Variants in KAZN observed in about 807,000 individuals in gnomAD.
The protein encoded by KAZN is kazrin.
Under a neutral mutation model 87.4 loss-of-function variants are expected in KAZN, and 40 were observed. That is an observed-to-expected ratio of 0.46 (90% confidence interval 0.36 to 0.60). The LOEUF is 0.60. Among genes scored for constraint, KAZN ranks in the 20% least tolerant of loss-of-function variants. The probability of loss-of-function intolerance (pLI) is 0.00; values close to 1 mark genes in which losing one functional copy is unlikely to be tolerated. For synonymous variants in KAZN, 466 were observed against 458.3 expected, an observed-to-expected ratio of 1.02 and a Z score of -0.22; for missense variants, 898 against 1,073.9, an observed-to-expected ratio of 0.84 and a Z score of 2.29.
intron 1 of KAZN, among the ~76,000 whole-genome samples, chr1:14,871,647 GCAGTGTGTGTGTGTGTGTGTGTGT>G: frequency 1.7e-5 from 1 of 57,708 alleles, no homozygotes; most frequent in Non-Finnish European, 3.8e-5. Context: ...TACATGAGCA[GCAGTGTGTGTGTGTGTGTGTGTGT>G]GTGTGTGTGT....
intron 1 of KAZN, among the ~76,000 whole-genome samples, chr1:13,926,101 A>C (rs1640266037): frequency 6.6e-6 from 1 of 152,014 alleles, no homozygotes; most frequent in Non-Finnish European, 1.5e-5. Flanking sequence ...TCTAGTTCTC[A>C]TTTGAGTCTT....
intron 8 of KAZN, among the ~76,000 whole-genome samples, chr1:15,086,264 C>A (rs920965236): frequency 2.0e-5 from 3 of 152,194 alleles, no homozygotes; most frequent in Non-Finnish European, 2.9e-5. Context: ...AGCCACCATG[C>A]CTGGCTGACA....
chr1:14,084,027 C>T (rs547530285), intron 1 of KAZN, among the ~76,000 whole-genome samples: 120 of 152,234 alleles, frequency 7.9e-4, no homozygotes, highest in African/African-American at 2.7e-3. Flanking sequence ...TTTTTAAAGA[C>T]CCATCTGGCT....
chr1:13,996,043 A>T (rs1436720008), intron 1 of KAZN, among the ~76,000 whole-genome samples: 2 of 149,226 alleles, frequency 1.3e-5, no homozygotes, highest in African/African-American at 4.9e-5. Context: ...ATCACAACGG[A>T]CTAGGAGGCT....
rs368233763 is a variant in KAZN, at chr1:15,026,782, C to T, written c.419-7967C>T. On this transcript the variant is annotated intron_variant, in intron 2 of 14. Coordinates refer to ENST00000376030, the MANE Select transcript of KAZN (RefSeq NM_201628.3). ...AATATGCACAAGACATATTTCTTAT[C>T]ATTTTTCTCTAAACAATGCAGTGTA... 1.2e-3 allele frequency among the ~76,000 whole-genome samples: 182 copies of T among 151,934 alleles called. 5 individuals carry two copies. In the South Asian group the frequency reaches 0.037, roughly 31 times the overall value.
At chr1:14,930,308 A>T (rs370432134) in intron 1 of KAZN, among the ~76,000 whole-genome samples, 3 of 152,294 alleles carry the variant, frequency 2.0e-5, no homozygotes, top group African/African-American at 7.2e-5. Context: ...ACAGGCATTC[A>T]CTGTGTTCAC....
chr1:14,575,322 G>A (rs1200273669), intron 2 of KAZN, among the ~76,000 whole-genome samples: 1 of 152,108 alleles, frequency 6.6e-6, no homozygotes, highest in East Asian at 1.9e-4. Flanking sequence ...GCACGTGGCT[G>A]GGGAGGCCTC....
intron 2 of KAZN, among the ~76,000 whole-genome samples, chr1:14,459,676 G>T (rs974236474): frequency 2.0e-5 from 3 of 152,184 alleles, no homozygotes; most frequent in Admixed American, 1.3e-4. Flanking sequence ...TGCAGCAGGA[G>T]ATGTTGGTCC....
chr1:14,598,192 G>A (rs138745713), upstream of KAZN, among the ~76,000 whole-genome samples: 262 of 152,262 alleles, frequency 1.7e-3, 1 homozygote, highest in African/African-American at 6.1e-3. The surrounding 1 kb of genome is among the most constrained non-coding windows in gnomAD (Gnocchi z 4.2). Context: ...GCCTGCGGGT[G>A]GGGGGTGGAG....
At chr1:14,701,796 CAAAA>C (rs944396024) in intron 1 of KAZN, among the ~76,000 whole-genome samples, 3 of 151,828 alleles carry the variant, frequency 2.0e-5, no homozygotes, top group African/African-American at 4.9e-5. Context: ...GACCCTGTCT[CAAAA>C]CAAACAAACA....
intron 1 of KAZN, among the ~76,000 whole-genome samples, chr1:14,020,814 C>T (rs1640789593): frequency 6.6e-6 from 1 of 152,092 alleles, no homozygotes; most frequent in South Asian, 2.1e-4. Context: ...ACATTTAGTC[C>T]ATCTTCTGGA....
intron 8 of KAZN, among the ~76,000 whole-genome samples, chr1:15,079,997 T>C (rs923437055): frequency 6.6e-6 from 1 of 152,184 alleles, no homozygotes; most frequent in Admixed American, 6.5e-5. Context: ...GTGCATAAAC[T>C]TAGAGAATAC....
chr1:14,256,453 G>C (rs6702169), intron 2 of KAZN, among the ~76,000 whole-genome samples: 3 of 151,980 alleles, frequency 2.0e-5, no homozygotes, highest in African/African-American at 7.2e-5. Context: ...TGAGGCAGAG[G>C]GGAAAGGAGT....
chr1:14,889,619 G>C (rs1654483630), intron 1 of KAZN, among the ~76,000 whole-genome samples: 1 of 152,152 alleles, frequency 6.6e-6, no homozygotes, highest in Admixed American at 6.5e-5. Flanking sequence ...GTCTGCCCCT[G>C]CCTACCCTTC....
Position 14,417,993 on chromosome 1 carries a change from C to CAAAA in KAZN, c.250-180942_250-180939dup, listed in dbSNP as rs58803467. Among the ~76,000 whole-genome samples, 20 of 33,812 alleles carry CAAAA rather than the reference C, an allele frequency of 5.9e-4. 1 individual carries two copies. The highest frequency in any genetic ancestry group is 1.1e-3 in the Non-Finnish European group (20 of 18,530). 22.2% of individuals were successfully genotyped at this position (33,812 alleles called of 152,430 possible). A position where few individuals can be genotyped will look rare whatever the true frequency, so the allele number is the denominator to read the frequency against. Reference sequence around the variant, plus strand: ...GCTGGGCGACAGAGTGAGACTGCCTCAAAAAAAAAAAAAAAAAAAAAAAAA... The same window carrying CAAAA: ...GCTGGGCGACAGAGTGAGACTGCCTCAAAAAAAAAAAAAAAAAAAAAAAAAAAAA... On this transcript the variant is annotated intron_variant, in intron 2 of 16. Transcript: ENST00000636203.
At chr1:15,060,425 A>G in intron 6 of KAZN, 123 bp downstream of exon 6, 7 of 1,272,598 alleles carry the variant, frequency 5.5e-6, no homozygotes, top group Non-Finnish European at 7.8e-6. Flanking sequence ...ACTCTGGCGA[A>G]TGCATTTCCT....
chr1:14,628,842 CTTT>C (rs67908811), intron 1 of KAZN, among the ~76,000 whole-genome samples: 88 of 126,802 alleles, frequency 6.9e-4, no homozygotes, highest in Middle Eastern at 4.1e-3. Flanking sequence ...CTTTCACATT[CTTT>C]TTTTTTTTTT....
chr1:14,536,272 G>A (rs116764275), intron 2 of KAZN, among the ~76,000 whole-genome samples: 141 of 152,258 alleles, frequency 9.3e-4, no homozygotes, highest in Non-Finnish European at 1.8e-3. Context: ...ATTTCCCTAC[G>A]TTTTTATGAG....
chr1:14,579,973 GA>G (rs758547514), intron 2 of KAZN, among the ~76,000 whole-genome samples: 1 of 152,088 alleles, frequency 6.6e-6, no homozygotes, highest in Non-Finnish European at 1.5e-5. Flanking sequence ...TGCCAAGTGG[GA>G]GGGGGGTTGG....
Sources: allele counts gnomAD v4.1 joint callset (sites outside exome capture counted in the v4.1 genomes callset), GRCh38; gene constraint gnomAD v4.1.1; non-coding constraint Gnocchi (gnomAD v3.1); transcripts MANE v1.5; gene names NCBI Gene and HGNC (gene_info 2026-07-23, HGNC 2026-07-21).